Variants in HTR1F observed in about 807,000 individuals in gnomAD.
The protein encoded by HTR1F is 5-hydroxytryptamine (serotonin) receptor 1F, G protein-coupled.
HTR1F carries 17 observed loss-of-function variants against 24.0 expected under a neutral mutation model. The ratio of observed to expected loss-of-function variants is 0.71; its 90% CI spans 0.48 to 1.06. The LOEUF (loss-of-function observed/expected upper bound fraction) is 1.06. HTR1F is among the 50% of genes least tolerant of loss of function. The pLI, the probability that HTR1F is intolerant of heterozygous loss-of-function variation, is 0.00. For missense variants in HTR1F, 391 were observed against 427.8 expected (o/e 0.91, Z 0.76); for synonymous variants, 186 against 156.8 (o/e 1.19, Z -1.39).
chr3:87,873,129 C>CAGAGAG (rs1430122473), intron 2 of HTR1F, among the ~76,000 whole-genome samples: 140 of 111,914 alleles, frequency 1.3e-3, no homozygotes, highest in African/African-American at 4.3e-3. Flanking sequence ...CACACACACA[C>CAGAGAG]ACACAGAGAG....
intron 2 of HTR1F, among the ~76,000 whole-genome samples, chr3:87,845,321 T>C (rs1459972801): frequency 1.3e-5 from 2 of 151,814 alleles, no homozygotes; most frequent in Admixed American, 1.3e-4. Context: ...CATGATTGTA[T>C]ATCTAGAAAA....
chr3:87,905,285 T>C (rs149623892), intron 2 of HTR1F, among the ~76,000 whole-genome samples: 2 of 151,886 alleles, frequency 1.3e-5, no homozygotes, highest in African/African-American at 4.8e-5. Context: ...CACTCTAGCT[T>C]GGGCAACAGA....
At chr3:87,815,433 A>C (rs1704232491) in intron 1 of HTR1F, among the ~76,000 whole-genome samples, 1 of 152,102 alleles carries the variant, frequency 6.6e-6, no homozygotes, top group South Asian at 2.1e-4. Context: ...TTAGCAAATG[A>C]GCCTATGGAT....
chr3:87,952,659 G>C (rs192737949), intron 2 of HTR1F, among the ~76,000 whole-genome samples: 2 of 151,810 alleles, frequency 1.3e-5, no homozygotes, highest in Admixed American at 1.3e-4. Flanking sequence ...ATTTACACGC[G>C]TAATTTCTGA....
At chr3:87,905,889 A>G (rs1211246097) in intron 2 of HTR1F, among the ~76,000 whole-genome samples, 2 of 152,120 alleles carry the variant, frequency 1.3e-5, no homozygotes, top group Admixed American at 6.6e-5. Context: ...AGGAAATATT[A>G]TAGAGATACG....
At chr3:87,943,818 G>A (rs1433447296) in intron 2 of HTR1F, among the ~76,000 whole-genome samples, 2 of 152,142 alleles carry the variant, frequency 1.3e-5, no homozygotes, top group African/African-American at 2.4e-5. Context: ...ATGGCCAGGC[G>A]GTACTGCAGA....
intron 2 of HTR1F, among the ~76,000 whole-genome samples, chr3:87,849,800 T>C (rs558289696): frequency 5.3e-5 from 8 of 151,932 alleles, no homozygotes; most frequent in Non-Finnish European, 1.0e-4. Flanking sequence ...GGGCGAAAGA[T>C]ATGAACAGAC....
intron 2 of HTR1F, among the ~76,000 whole-genome samples, chr3:87,846,946 A>T (rs1704958506): frequency 6.6e-6 from 1 of 151,872 alleles, no homozygotes. Flanking sequence ...AAATAATTTT[A>T]TGGCAAGTAT....
At chr3:87,857,716 A>G (rs55776072) in intron 2 of HTR1F, among the ~76,000 whole-genome samples, 18,587 of 152,096 alleles carry the variant, frequency 0.12, 1,453 homozygotes, top group African/African-American at 0.22. Flanking sequence ...ATTTGTTACA[A>G]CTGATGAACT....
chr3:87,977,382 T>C (rs980135775), intron 2 of HTR1F, among the ~76,000 whole-genome samples: 3 of 147,018 alleles, frequency 2.0e-5, no homozygotes, highest in African/African-American at 7.4e-5. Context: ...CTACAGATAA[T>C]GAAGCTGAGA....
chr3:87,884,853 C>T (rs1174534876), intron 2 of HTR1F, among the ~76,000 whole-genome samples: 1 of 152,096 alleles, frequency 6.6e-6, no homozygotes, highest in Non-Finnish European at 1.5e-5. Context: ...TAAAGAAGTC[C>T]TTAGAGACCT....
At chr3:87,901,847 T>C (rs1343382399) in intron 2 of HTR1F, among the ~76,000 whole-genome samples, 1 of 152,130 alleles carries the variant, frequency 6.6e-6, no homozygotes, top group East Asian at 1.9e-4. Context: ...TCTGGTTCAC[T>C]AGCTTCAAAA....
At position 87,914,842 on chromosome 3, in the gene HTR1F, G is replaced by A. The variant is rs1298654707; in HGVS notation, c.-42-75866G>A. Among the ~76,000 whole-genome samples, 4 of 152,028 alleles carry A rather than the reference G, an allele frequency of 2.6e-5. No individual in the cohort carries two copies. The East Asian group carries it at 7.7e-4, about 29-fold the overall frequency. Reference sequence around the variant, plus strand: ...ACTATTTCCTCCCCATACTACCACAGCTGATGCTCTCTGGAAAGCACCACC... The same window carrying A: ...ACTATTTCCTCCCCATACTACCACAACTGATGCTCTCTGGAAAGCACCACC... On this transcript the variant is annotated intron_variant, in intron 2 of 2. Coordinates refer to ENST00000319595, the MANE Select transcript of HTR1F (RefSeq NM_001322209.2).
At chr3:87,955,141 C>T (rs1041877120) in intron 2 of HTR1F, among the ~76,000 whole-genome samples, 2 of 151,356 alleles carry the variant, frequency 1.3e-5, no homozygotes, top group African/African-American at 4.8e-5. Context: ...TATCCTGAAG[C>T]CACCACCATA....
chr3:87,956,483 T>C (rs908350409), intron 2 of HTR1F, among the ~76,000 whole-genome samples: 2 of 151,422 alleles, frequency 1.3e-5, no homozygotes, highest in Non-Finnish European at 3.0e-5. Context: ...AAAATATGTT[T>C]ACCTTTCCAT....
At chr3:87,794,118 CTG>C (rs1405901409) in intron 1 of HTR1F, among the ~76,000 whole-genome samples, 1 of 152,106 alleles carries the variant, frequency 6.6e-6, no homozygotes, top group Non-Finnish European at 1.5e-5. Flanking sequence ...CCCCATTTGT[CTG>C]TGTGTTTCTT....
intron 2 of HTR1F, among the ~76,000 whole-genome samples, chr3:87,864,136 C>A (rs1705373507): frequency 6.6e-6 from 1 of 152,172 alleles, no homozygotes; most frequent in South Asian, 2.1e-4. Flanking sequence ...CCAGAAAAAT[C>A]TCCCTTTTTC....
At chr3:87,942,803 C>T (rs1704602654) in intron 2 of HTR1F, among the ~76,000 whole-genome samples, 1 of 151,756 alleles carries the variant, frequency 6.6e-6, no homozygotes, top group African/African-American at 2.4e-5. Flanking sequence ...TATAAAAAAC[C>T]CAGGTTACCA....
intron 2 of HTR1F, among the ~76,000 whole-genome samples, chr3:87,873,095 TACACACACACACACACACACAC>T (rs61407734): frequency 7.4e-6 from 1 of 135,024 alleles, no homozygotes; most frequent in Non-Finnish European, 1.6e-5. Context: ...CATGCATACA[TACACACACACACACACACACAC>T]ACACACACAC....
Sources: gnomAD v4.1 joint callset for allele counts (sites outside exome capture counted in the v4.1 genomes callset) on GRCh38, gnomAD v4.1.1 for gene constraint, MANE v1.5 for transcripts, NCBI Gene and HGNC (gene_info 2026-07-23, HGNC 2026-07-21) for gene names.